SPPL3: variants seen among roughly 807,000 people sequenced by gnomAD.
SPPL3 encodes the protein signal peptide peptidase like 3.
SPPL3 carries 5 observed loss-of-function variants against 42.4 expected under a neutral mutation model. That is an observed-to-expected ratio of 0.12 (90% CI 0.06 to 0.25). SPPL3 has a LOEUF of 0.25. Among genes scored for constraint, SPPL3 ranks in the 10% least tolerant of loss-of-function variants. The probability of loss-of-function intolerance (pLI) is 1.00; values close to 1 mark genes in which losing one functional copy is unlikely to be tolerated. For missense variants in SPPL3, 235 were observed against 489.0 expected (o/e 0.48, Z 4.90); for synonymous variants, 195 against 181.8 (o/e 1.07, Z -0.58).
chr12:120,791,777 C>G (rs897478018), intron 2 of SPPL3: 1 of 475,364 alleles, frequency 2.1e-6, no homozygotes, highest in Non-Finnish European at 3.7e-6. Flanking sequence ...CATCCCAATG[C>G]AGCTGAATCT....
At chr12:120,771,439 T>G (rs776716924) in intron 6 of SPPL3, among the ~76,000 whole-genome samples, 6 of 152,272 alleles carry the variant, frequency 3.9e-5, no homozygotes, top group Non-Finnish European at 7.3e-5. Context: ...TTCACAGTTC[T>G]TCACGCAAGT....
At chr12:120,886,398 T>C (rs1294004565) in intron 1 of SPPL3, among the ~76,000 whole-genome samples, 1 of 152,170 alleles carries the variant, frequency 6.6e-6, no homozygotes, top group Non-Finnish European at 1.5e-5. Context: ...AGAGATCAAA[T>C]TCACAACCTT....
chr12:120,884,994 A>G (rs1002685547), intron 1 of SPPL3, among the ~76,000 whole-genome samples: 2 of 152,142 alleles, frequency 1.3e-5, no homozygotes, highest in African/African-American at 2.4e-5. Flanking sequence ...AAGGCTTCCA[A>G]TTCCGCCCCT....
chr12:120,829,457 A>C (rs547699556), intron 1 of SPPL3, among the ~76,000 whole-genome samples: 41 of 152,152 alleles, frequency 2.7e-4, no homozygotes, highest in Admixed American at 6.5e-4. Flanking sequence ...TTAGCCCGGC[A>C]TGATGGTATA....
At chr12:120,902,991 C>A (rs148212637) in intron 1 of SPPL3, among the ~76,000 whole-genome samples, 3 of 152,172 alleles carry the variant, frequency 2.0e-5, no homozygotes, top group African/African-American at 7.2e-5. Flanking sequence ...TAGGTTGTCA[C>A]CCCATAAACT....
chr12:120,809,526 C>T (rs1003537645), intron 2 of SPPL3, among the ~76,000 whole-genome samples: 1 of 152,204 alleles, frequency 6.6e-6, no homozygotes. Flanking sequence ...TTTCACTTAT[C>T]CCTATTACTT....
intron 1 of SPPL3, among the ~76,000 whole-genome samples, chr12:120,840,250 C>T (rs1871771201): frequency 7.7e-6 from 1 of 129,346 alleles, no homozygotes; most frequent in Non-Finnish European, 1.6e-5. Flanking sequence ...TGTACTCCAG[C>T]CTGAGCGACA....
intron 6 of SPPL3, among the ~76,000 whole-genome samples, chr12:120,781,577 TTTTTTTTTTTTTTTG>T (rs1869546866): frequency 1.6e-5 from 2 of 124,230 alleles, no homozygotes; most frequent in Admixed American, 8.1e-5. Flanking sequence ...TTTTTTTTTT[TTTTTTTTTTTTTTTG>T]AGACGGAGTC....
chr12:120,773,600 T>A (rs905323194), intron 6 of SPPL3, among the ~76,000 whole-genome samples: 1 of 152,136 alleles, frequency 6.6e-6, no homozygotes, highest in Non-Finnish European at 1.5e-5. Context: ...TTCGCCTCTG[T>A]GACACATGTA....
At chr12:120,803,865 G>A (rs1385603655) in intron 2 of SPPL3, among the ~76,000 whole-genome samples, 2 of 146,040 alleles carry the variant, frequency 1.4e-5, no homozygotes, top group Non-Finnish European at 3.0e-5. Context: ...ACGAGTTATG[G>A]AATGACAAAA....
At chr12:120,809,061 T>A (rs1870595759) in intron 2 of SPPL3, among the ~76,000 whole-genome samples, 1 of 152,142 alleles carries the variant, frequency 6.6e-6, no homozygotes, top group South Asian at 2.1e-4. Context: ...GATTAACACT[T>A]TTGGCTGGGC....
intron 3 of SPPL3, among the ~76,000 whole-genome samples, chr12:120,787,250 A>T (rs1869751345): frequency 6.6e-6 from 1 of 152,236 alleles, no homozygotes; most frequent in Non-Finnish European, 1.5e-5. Flanking sequence ...TCTACTAAAG[A>T]TGAGGATCCC....
At chr12:120,842,277 T>C (rs562732569) in intron 1 of SPPL3, among the ~76,000 whole-genome samples, 3 of 152,292 alleles carry the variant, frequency 2.0e-5, no homozygotes, top group East Asian at 1.9e-4. Flanking sequence ...AAAGTAATAA[T>C]GGCAACGAGC....
intron 1 of SPPL3, among the ~76,000 whole-genome samples, chr12:120,855,167 A>C (rs1282534744): frequency 1.3e-5 from 2 of 152,188 alleles, no homozygotes; most frequent in Non-Finnish European, 2.9e-5. Context: ...GAAGGGGACT[A>C]TCAGTGATTA....
chr12:120,842,447 G>T (rs1871864798), intron 1 of SPPL3, among the ~76,000 whole-genome samples: 1 of 152,108 alleles, frequency 6.6e-6, no homozygotes, highest in East Asian at 1.9e-4. Flanking sequence ...TGGTCCTGAA[G>T]AAATTATTTT....
chr12:120,796,244 C>G (rs1344007873), intron 2 of SPPL3, among the ~76,000 whole-genome samples: 1 of 152,064 alleles, frequency 6.6e-6, no homozygotes, highest in Non-Finnish European at 1.5e-5. Flanking sequence ...GGCATGGTGG[C>G]ACAAACCTAT....
intron 1 of SPPL3, among the ~76,000 whole-genome samples, chr12:120,897,942 C>T (rs1320562550): frequency 2.0e-5 from 3 of 151,936 alleles, no homozygotes; most frequent in African/African-American, 7.3e-5. Flanking sequence ...TTTGCAAATA[C>T]CTGACATGTA....
intron 1 of SPPL3, among the ~76,000 whole-genome samples, chr12:120,894,019 G>A (rs1403484064): frequency 6.6e-6 from 1 of 152,088 alleles, no homozygotes; most frequent in Non-Finnish European, 1.5e-5. Flanking sequence ...TTTTGCAAGC[G>A]GTTATAAGAA....
chr12:120,878,680 G>A (rs1299468524), intron 1 of SPPL3, among the ~76,000 whole-genome samples: 2 of 152,176 alleles, frequency 1.3e-5, no homozygotes, highest in Admixed American at 1.3e-4. Context: ...TAAACTCAAA[G>A]CCCATATGTA....
Sources: gnomAD v4.1 joint callset for allele counts (sites outside exome capture counted in the v4.1 genomes callset) on GRCh38, gnomAD v4.1.1 for gene constraint, MANE v1.5 for transcripts, NCBI Gene and HGNC (gene_info 2026-07-23, HGNC 2026-07-21) for gene names.